CCDC126: variants seen among roughly 807,000 people sequenced by gnomAD.
CCDC126 encodes coiled-coil domain containing 126.
Under a neutral mutation model 11.7 loss-of-function variants are expected in CCDC126, and 5 were observed. The observed-to-expected ratio is 0.43, with a 90% confidence interval of 0.22 to 0.90. The LOEUF (loss-of-function observed/expected upper bound fraction) is 0.90. CCDC126 is among the 40% of genes least tolerant of loss of function. CCDC126 has a pLI of 0.27. For synonymous variants in CCDC126, 60 were observed against 61.9 expected (o/e 0.97, Z 0.14); for missense variants, 150 against 163.1 (o/e 0.92, Z 0.44).
chr7:23,632,648 A>C (rs1783135263), intron 3 of CCDC126, among the ~76,000 whole-genome samples: 1 of 152,178 alleles, frequency 6.6e-6, no homozygotes, highest in Admixed American at 6.5e-5. Flanking sequence ...AGGGAATTGG[A>C]ATTTTTGTAT....
intron 3 of CCDC126, among the ~76,000 whole-genome samples, chr7:23,623,664 T>C (rs1308222149): frequency 6.6e-6 from 1 of 152,090 alleles, no homozygotes; most frequent in Non-Finnish European, 1.5e-5. Flanking sequence ...ATATGTTTTA[T>C]ACTTTATTGA....
At chr7:23,602,220 A>G (rs1782557168) in intron 2 of CCDC126, 1 of 152,178 alleles carries the variant, frequency 6.6e-6, no homozygotes, top group Non-Finnish European at 1.5e-5. Context: ...TAGAAAAAAA[A>G]TTTATCCATG....
chr7:23,635,416 G>A (rs1044664149), intron 3 of CCDC126, among the ~76,000 whole-genome samples: 4 of 152,194 alleles, frequency 2.6e-5, no homozygotes, highest in Non-Finnish European at 4.4e-5. Flanking sequence ...TATTATGGAT[G>A]CACATATAAT....
At chr7:23,598,947 G>A (rs1171064349) in intron 2 of CCDC126, among the ~76,000 whole-genome samples, 3 of 152,066 alleles carry the variant, frequency 2.0e-5, no homozygotes, top group African/African-American at 7.2e-5. Context: ...AATGATAAAG[G>A]TTTTTAGAGG....
intron 3 of CCDC126, among the ~76,000 whole-genome samples, chr7:23,620,734 C>T (rs1441463536): frequency 6.6e-6 from 1 of 152,248 alleles, no homozygotes; most frequent in Non-Finnish European, 1.5e-5. Flanking sequence ...AGTCTTTAAT[C>T]CATCTTGAAT....
chr7:23,604,946 C>T (rs146218363), intron 2 of CCDC126, among the ~76,000 whole-genome samples: 6,821 of 148,172 alleles, frequency 0.046, 432 homozygotes, highest in African/African-American at 0.14. Flanking sequence ...TGCAGTGAGC[C>T]GAGATTGAGC....
intron 2 of CCDC126, among the ~76,000 whole-genome samples, chr7:23,609,108 G>T (rs1321919202): frequency 6.6e-6 from 1 of 152,034 alleles, no homozygotes; most frequent in Non-Finnish European, 1.5e-5. Context: ...TGACAATAAT[G>T]GTATTACCTC....
intron 3 of CCDC126, among the ~76,000 whole-genome samples, chr7:23,638,524 C>G (rs867684755): frequency 1.7e-5 from 2 of 119,098 alleles, no homozygotes; most frequent in Middle Eastern, 3.6e-3. Flanking sequence ...GCAGCATGCT[C>G]GTTAAGAGTC....
chr7:23,600,484 G>C (rs572997162), intron 2 of CCDC126, among the ~76,000 whole-genome samples: 1 of 151,798 alleles, frequency 6.6e-6, no homozygotes, highest in South Asian at 2.1e-4. Flanking sequence ...GTCTGTGGAG[G>C]ACTTTTTTTT....
chr7:23,604,157 C>T (rs1362994846), intron 2 of CCDC126: 2 of 152,148 alleles, frequency 1.3e-5, no homozygotes, highest in African/African-American at 2.4e-5. Flanking sequence ...GGTAATGCTC[C>T]AGTGACTTAA....
chr7:23,637,110 C>T (rs867039829), intron 3 of CCDC126, among the ~76,000 whole-genome samples: 23 of 72,412 alleles, frequency 3.2e-4, no homozygotes, highest in African/African-American at 1.1e-3. Context: ...CCAGCCGCCC[C>T]GTCCGGGAGG....
At chr7:23,611,048 G>A (rs1397319467) in intron 2 of CCDC126, 123 bp from the exon 3 acceptor site, 1 of 230,252 alleles carries the variant, frequency 4.3e-6, no homozygotes, top group Non-Finnish European at 8.4e-6. Flanking sequence ...CTTAGTGGTG[G>A]AGAAAGTTGT....
At chr7:23,637,105 C>T (rs1420787790) in intron 3 of CCDC126, among the ~76,000 whole-genome samples, 2 of 90,108 alleles carry the variant, frequency 2.2e-5, no homozygotes, top group Non-Finnish European at 4.5e-5. Flanking sequence ...CCCGGCCAGC[C>T]GCCCCGTCCG....
At chr7:23,597,662 G>T (rs920491282) in intron 1 of CCDC126, 57 bp downstream of exon 1, 1 of 152,606 alleles carries the variant, frequency 6.6e-6, no homozygotes, top group South Asian at 1.9e-4. Context: ...GCGCCCCTCA[G>T]CCTAGCCGGC....
intron 3 of CCDC126, among the ~76,000 whole-genome samples, chr7:23,620,266 T>G (rs979003228): frequency 6.6e-6 from 1 of 152,218 alleles, no homozygotes; most frequent in African/African-American, 2.4e-5. Flanking sequence ...TTTTTAATGA[T>G]CGCCATTCTA....
intron 3 of CCDC126, among the ~76,000 whole-genome samples, chr7:23,636,605 T>C (rs1374836923): frequency 1.7e-4 from 20 of 119,984 alleles, no homozygotes; most frequent in African/African-American, 4.8e-4. Flanking sequence ...GTCTGAGAAG[T>C]GAGGAAACTC....
chr7:23,644,178 A>C lies in CCDC126; in HGVS notation c.*1063A>C, dbSNP rs984711382. On this transcript the variant is annotated 3_prime_UTR_variant, in exon 4 of 4. Transcript: ENST00000307471. ...AACAGATGCATTAGATATTCATTTT[A>C]TATAATGGCCACTTAAAATAAGAAC... is the stretch of plus-strand genomic sequence containing the variant. 2.6e-5 allele frequency: 4 copies of C among 152,290 alleles called. No individual in the cohort carries two copies. The highest frequency in any genetic ancestry group is 3.9e-4 in the East Asian group (2 of 5,194). 9.4% of individuals were successfully genotyped at this position (152,290 alleles called of 1,614,324 possible). A position where few individuals can be genotyped will look rare whatever the true frequency, so the allele number is the denominator to read the frequency against.
intron 3 of CCDC126, among the ~76,000 whole-genome samples, chr7:23,628,975 G>A (rs976743854): frequency 1.3e-5 from 2 of 151,950 alleles, no homozygotes; most frequent in African/African-American, 4.8e-5. Context: ...TAACAAGGTG[G>A]CACCCCTCCC....
chr7:23,605,767 A>G (rs1057114473), intron 2 of CCDC126, among the ~76,000 whole-genome samples: 3 of 152,166 alleles, frequency 2.0e-5, no homozygotes, highest in African/African-American at 7.2e-5. Context: ...TAATGCTGCA[A>G]TGAACACTGG....
Sources: gnomAD v4.1 joint callset for allele counts (sites outside exome capture counted in the v4.1 genomes callset) on GRCh38, gnomAD v4.1.1 for gene constraint, MANE v1.5 for transcripts, NCBI Gene and HGNC (gene_info 2026-07-23, HGNC 2026-07-21) for gene names.